KCNU1: variants seen among roughly 807,000 people sequenced by gnomAD.
KCNU1 encodes the protein potassium calcium-activated channel subfamily U member 1.
A neutral mutation model predicts 126.8 loss-of-function variants in KCNU1; 93 were observed. The observed-to-expected ratio is 0.73, with a 90% CI of 0.62 to 0.87. KCNU1 has a LOEUF of 0.87. Ranked by LOEUF, KCNU1 falls within the 40% of genes least tolerant of loss-of-function variation. KCNU1 has a pLI of 0.00. For missense variants in KCNU1, 1,330 were observed against 1,367.1 expected, an observed-to-expected ratio of 0.97 and a Z score of 0.43; for synonymous variants, 523 against 494.2, an observed-to-expected ratio of 1.06 and a Z score of -0.77.
chr8:36,874,042 G>A (rs943587200), intron 19 of KCNU1, among the ~76,000 whole-genome samples: 10 of 152,148 alleles, frequency 6.6e-5, no homozygotes, highest in Non-Finnish European at 1.0e-4. Flanking sequence ...GGATTACACC[G>A]TGGGGATTAC....
chr8:36,826,093 C>A (rs1804309433), intron 10 of KCNU1, among the ~76,000 whole-genome samples: 2 of 151,980 alleles, frequency 1.3e-5, no homozygotes, highest in South Asian at 4.2e-4. Flanking sequence ...TTGCTTGTCA[C>A]CTTTTTGTTT....
chr8:36,834,411 G>A (rs1272017969), intron 11 of KCNU1, among the ~76,000 whole-genome samples: 3 of 152,170 alleles, frequency 2.0e-5, no homozygotes, highest in Non-Finnish European at 2.9e-5. Flanking sequence ...CAGTTCCTCT[G>A]TTTTTAACTG....
chr8:36,854,328 CT>C (rs1457525490), intron 18 of KCNU1, among the ~76,000 whole-genome samples: 9 of 152,114 alleles, frequency 5.9e-5, no homozygotes, highest in African/African-American at 1.9e-4. Flanking sequence ...CTTTACTCTT[CT>C]CCTGGATCTT....
At chr8:36,917,241 GA>G (rs1164465749) in intron 22 of KCNU1, among the ~76,000 whole-genome samples, 1 of 152,024 alleles carries the variant, frequency 6.6e-6, no homozygotes, top group African/African-American at 2.4e-5. Context: ...TACATCCTCA[GA>G]AAACTTTAAG....
chr8:36,836,493 T>A, intron 13 of KCNU1, 128 bp downstream of exon 13: 1 of 657,558 alleles, frequency 1.5e-6, no homozygotes, highest in East Asian at 2.6e-5. Context: ...GGAGTCTTAT[T>A]AAGATGGATA....
chr8:36,920,655 G>A (rs1212789996), intron 23 of KCNU1, among the ~76,000 whole-genome samples: 2 of 152,172 alleles, frequency 1.3e-5, no homozygotes, highest in Non-Finnish European at 2.9e-5. Context: ...CAGGAAAGCT[G>A]AGGCCACTAG....
chr8:36,866,708 A>G (rs941103313), intron 19 of KCNU1, among the ~76,000 whole-genome samples: 15 of 152,150 alleles, frequency 9.9e-5, no homozygotes, highest in African/African-American at 3.4e-4. Context: ...TGTAGAAATC[A>G]TGTTTCAACT....
At chr8:36,856,760 A>C (rs1585468205) in intron 18 of KCNU1, among the ~76,000 whole-genome samples, 1 of 152,142 alleles carries the variant, frequency 6.6e-6, no homozygotes, top group East Asian at 1.9e-4. Context: ...GCCCCTTTGT[A>C]AGAGTGGTTT....
At chr8:36,855,628 C>T (rs188441389) in intron 18 of KCNU1, among the ~76,000 whole-genome samples, 25 of 152,172 alleles carry the variant, frequency 1.6e-4, no homozygotes, top group East Asian at 5.8e-4. Context: ...TTATTTCTCT[C>T]GACTAAATGT....
chr8:36,920,436 C>G (rs567183425), intron 23 of KCNU1, among the ~76,000 whole-genome samples: 61 of 152,306 alleles, frequency 4.0e-4, no homozygotes, highest in African/African-American at 1.3e-3. Context: ...CAGTTTCTCA[C>G]TGACCCAGAG....
chr8:36,811,670 G>T (rs569549005), intron 7 of KCNU1, among the ~76,000 whole-genome samples: 2 of 152,102 alleles, frequency 1.3e-5, no homozygotes, highest in Non-Finnish European at 2.9e-5. Flanking sequence ...GGTGGCTCAC[G>T]CTTTTAATCT....
At chr8:36,849,518 G>T (rs900139854) in intron 18 of KCNU1, among the ~76,000 whole-genome samples, 1 of 152,136 alleles carries the variant, frequency 6.6e-6, no homozygotes, top group Non-Finnish European at 1.5e-5. Context: ...GAACCCAGGA[G>T]GTGCAGGTTG....
At chr8:36,873,553 T>C (rs1806178197) in intron 19 of KCNU1, among the ~76,000 whole-genome samples, 1 of 152,298 alleles carries the variant, frequency 6.6e-6, no homozygotes, top group South Asian at 2.1e-4. Context: ...CCCCATTTAA[T>C]TGGGAAAATC....
rs553641184 is a variant in KCNU1 at position 36,816,487 on chromosome 8, G to A, written c.995+800G>A. On this transcript the variant is annotated intron_variant, in intron 9 of 26. Coordinates refer to ENST00000399881, the MANE Select transcript of KCNU1 (RefSeq NM_001031836.3). The stretch of plus-strand genomic sequence containing the variant: ...ATACAGTTGGATGAAAACTTTAATT[G>A]ACCTGGGACTATGAAGAGGAAAGGA... Among the ~76,000 whole-genome samples, 12 of 152,186 alleles carry A rather than the reference G, an allele frequency of 7.9e-5. No homozygotes were observed. The South Asian group carries it at 2.5e-3, about 32-fold the overall frequency.
At chr8:36,878,184 A>G (rs1263376362) in intron 19 of KCNU1, among the ~76,000 whole-genome samples, 3 of 152,230 alleles carry the variant, frequency 2.0e-5, no homozygotes, top group African/African-American at 7.2e-5. Flanking sequence ...ATTTAAAATA[A>G]TGCCCAATTA....
intron 7 of KCNU1, among the ~76,000 whole-genome samples, chr8:36,809,572 G>GA (rs1312344578): frequency 6.6e-6 from 1 of 152,152 alleles, no homozygotes; most frequent in Non-Finnish European, 1.5e-5. Context: ...ACAAGGATAT[G>GA]AACCTTCAAG....
intron 19 of KCNU1, among the ~76,000 whole-genome samples, 189 bp from the exon 20 acceptor site, chr8:36,905,519 T>C (rs1483071573): frequency 1.3e-5 from 2 of 150,862 alleles, no homozygotes; most frequent in African/African-American, 2.5e-5. Flanking sequence ...TGTCTTCAAC[T>C]ATGATACAGT....
intron 24 of KCNU1, among the ~76,000 whole-genome samples, chr8:36,929,750 G>A (rs969648129): frequency 1.6e-4 from 25 of 152,106 alleles, no homozygotes; most frequent in African/African-American, 6.0e-4. Context: ...GCCTGGGAAG[G>A]GGGACTGCAT....
chr8:36,844,329 G>A (rs543880185), intron 16 of KCNU1, among the ~76,000 whole-genome samples: 10 of 151,712 alleles, frequency 6.6e-5, no homozygotes, highest in East Asian at 1.9e-4. Flanking sequence ...GCAGTGAGCC[G>A]AGATCATGCC....
Sources: gnomAD v4.1 joint callset for allele counts (sites outside exome capture counted in the v4.1 genomes callset) on GRCh38, gnomAD v4.1.1 for gene constraint, MANE v1.5 for transcripts, NCBI Gene and HGNC (gene_info 2026-07-23, HGNC 2026-07-21) for gene names.